Variants in LRP1B observed in about 807,000 individuals in gnomAD.
LRP1B encodes the protein low-density lipoprotein receptor-related protein 1B.
A neutral mutation model predicts 556.6 loss-of-function variants in LRP1B; 217 were observed. The observed-to-expected ratio is 0.39, with a 90% CI of 0.35 to 0.44. The LOEUF (loss-of-function observed/expected upper bound fraction) is 0.44, where lower values mean the gene tolerates loss of function less well. Ranked by LOEUF, LRP1B falls within the 20% of genes least tolerant of loss-of-function variation. The pLI is 1.00. For synonymous variants in LRP1B, 2,047 were observed against 1,865.8 expected, an observed-to-expected ratio of 1.10 and a Z score of -2.50; for missense variants, 5,053 against 5,620.8, an observed-to-expected ratio of 0.90 and a Z score of 3.23.
intron 7 of LRP1B, among the ~76,000 whole-genome samples, chr2:141,070,743 T>G (rs1201838084): frequency 2.0e-5 from 3 of 151,992 alleles, no homozygotes; most frequent in Non-Finnish European, 4.4e-5. Context: ...GCAAATAAAC[T>G]AGAAAATCTA....
chr2:141,645,653 C>CTGA (rs1397815666), intron 2 of LRP1B, among the ~76,000 whole-genome samples: 2 of 150,970 alleles, frequency 1.3e-5, no homozygotes, highest in Non-Finnish European at 3.0e-5. Context: ...TTTTCCAATT[C>CTGA]TGATTAGAAA....
chr2:140,565,717 G>C (rs1044587019), intron 43 of LRP1B, among the ~76,000 whole-genome samples: 1 of 152,054 alleles, frequency 6.6e-6, no homozygotes. Context: ...AGAGTACATC[G>C]AAGGAGTAAC....
chr2:140,584,347 G>T (rs2105146113), intron 43 of LRP1B, among the ~76,000 whole-genome samples: 1 of 151,020 alleles, frequency 6.6e-6, no homozygotes. Flanking sequence ...TTCTCCCTCT[G>T]TTCAGTTTGT....
At chr2:140,845,505 A>G (rs1030824836) in intron 29 of LRP1B, among the ~76,000 whole-genome samples, 1 of 152,138 alleles carries the variant, frequency 6.6e-6, no homozygotes, top group African/African-American at 2.4e-5. Context: ...GAACAAAAAA[A>G]ATTAAAACAC....
intron 6 of LRP1B, among the ~76,000 whole-genome samples, chr2:141,195,080 G>T (rs1184800321): frequency 6.6e-6 from 1 of 152,096 alleles, no homozygotes; most frequent in Non-Finnish European, 1.5e-5. Context: ...GCTGTTCTTT[G>T]TTCTTCTACT....
chr2:141,768,897 G>T (rs149043364), intron 2 of LRP1B, among the ~76,000 whole-genome samples: 98 of 151,760 alleles, frequency 6.5e-4, no homozygotes, highest in African/African-American at 2.2e-3. Flanking sequence ...GTGCATGTGT[G>T]GTCATTTAAT....
intron 1 of LRP1B, among the ~76,000 whole-genome samples, chr2:141,919,271 T>C (rs1408217006): frequency 2.0e-5 from 3 of 152,048 alleles, no homozygotes; most frequent in African/African-American, 7.2e-5. Flanking sequence ...TGTTTCAAAA[T>C]TCAAATGCTA....
chr2:141,092,351 ACAT>A (rs1700190450), intron 7 of LRP1B, among the ~76,000 whole-genome samples: 1 of 152,346 alleles, frequency 6.6e-6, no homozygotes, highest in African/African-American at 2.4e-5. Context: ...GTTTTGGCTG[ACAT>A]CATGACAATG....
At chr2:140,351,527 T>A (rs1363087848) in intron 76 of LRP1B, among the ~76,000 whole-genome samples, 3 of 152,100 alleles carry the variant, frequency 2.0e-5, no homozygotes, top group Non-Finnish European at 4.4e-5. Flanking sequence ...TACTAACTTT[T>A]AACATAAAAA....
At chr2:140,779,461 C>T (rs1689612997) in intron 32 of LRP1B, among the ~76,000 whole-genome samples, 1 of 151,986 alleles carries the variant, frequency 6.6e-6, no homozygotes, top group African/African-American at 2.4e-5. Flanking sequence ...CTTTGGGAGG[C>T]CAAAGTGGGT....
chr2:140,298,516 C>T (rs182093977), intron 83 of LRP1B, among the ~76,000 whole-genome samples: 8 of 152,180 alleles, frequency 5.3e-5, no homozygotes, highest in Admixed American at 1.3e-4. Flanking sequence ...GACTTAAATA[C>T]ACATACTGTG....
intron 66 of LRP1B, among the ~76,000 whole-genome samples, chr2:140,392,032 C>T (rs1684044447): frequency 6.6e-6 from 1 of 152,102 alleles, no homozygotes; most frequent in Admixed American, 6.6e-5. Flanking sequence ...GATTGAACTG[C>T]TCTGAGATTC....
At chr2:140,998,998 C>T (rs989962367) in intron 15 of LRP1B, among the ~76,000 whole-genome samples, 2 of 152,006 alleles carry the variant, frequency 1.3e-5, no homozygotes, top group African/African-American at 4.8e-5. Context: ...CTGATATTTC[C>T]TATGCACTAC....
intron 7 of LRP1B, among the ~76,000 whole-genome samples, chr2:141,185,558 TA>T (rs1165280148): frequency 6.6e-6 from 1 of 151,178 alleles, no homozygotes; most frequent in Non-Finnish European, 1.5e-5. Context: ...AATCTAAAAT[TA>T]AAAACAAGGT....
chr2:142,047,717 AT>A (rs891994763), intron 1 of LRP1B, among the ~76,000 whole-genome samples: 1 of 151,774 alleles, frequency 6.6e-6, no homozygotes, highest in South Asian at 2.1e-4. Context: ...AGTGGACGTG[AT>A]GCATAACACC....
chr2:140,775,635 TTC>T (rs1689468850), intron 33 of LRP1B, among the ~76,000 whole-genome samples: 3 of 152,022 alleles, frequency 2.0e-5, no homozygotes, highest in Admixed American at 2.0e-4. Context: ...CATCTGTTAT[TTC>T]TCTCACTCCA....
At chr2:141,342,274 A>AAAATAAAT (rs5834823) in intron 3 of LRP1B, among the ~76,000 whole-genome samples, 5,473 of 142,018 alleles carry the variant, frequency 0.039, 256 homozygotes, top group African/African-American at 0.11. Flanking sequence ...AAATAAAAAT[A>AAAATAAAT]AAATAAATAA....
At chr2:140,903,614 T>C (rs557401175) in intron 22 of LRP1B, among the ~76,000 whole-genome samples, 48 of 152,194 alleles carry the variant, frequency 3.2e-4, no homozygotes, top group Middle Eastern at 6.8e-3. Flanking sequence ...TATACACATA[T>C]GTGAATATAT....
At chr2:140,992,539 A>G (rs945860664) in intron 16 of LRP1B, 2 of 152,072 alleles carry the variant, frequency 1.3e-5, no homozygotes, top group African/African-American at 4.8e-5. Flanking sequence ...CACAACCACA[A>G]ATAGGCTGGC....
Sources: allele counts gnomAD v4.1 joint callset (sites outside exome capture counted in the v4.1 genomes callset), GRCh38; gene constraint gnomAD v4.1.1; transcripts MANE v1.5; gene names NCBI Gene and HGNC (gene_info 2026-07-23, HGNC 2026-07-21).